The following BTBD9 variants were observed in gnomAD, a reference collection of about 807,000 sequenced individuals.
BTBD9 encodes BTB domain containing 9.
In BTBD9, 49 loss-of-function variants were observed where a neutral mutation model predicts 64.3. The observed-to-expected ratio is 0.76, with a 90% CI of 0.61 to 0.97. BTBD9 has a LOEUF of 0.97. Among genes scored for constraint, BTBD9 ranks in the 50% least tolerant of loss-of-function variants. The pLI is 0.00. For synonymous variants in BTBD9, 260 were observed against 274.7 expected, an observed-to-expected ratio of 0.95 and a Z score of 0.53; for missense variants, 598 against 762.1, an observed-to-expected ratio of 0.78 and a Z score of 2.53.
rs1776110696 is a variant in BTBD9 at position 38,577,663 on chromosome 6, A to T, written c.1091T>A (p.Ile364Lys). 6.2e-7 allele frequency: 1 copy of T among 1,610,734 alleles called. No individual in the cohort carries two copies. Residue 364 changes from isoleucine to lysine, a missense_variant, in exon 6 of 11, where the codon ATA becomes AAA. Physicochemically the swap from Ile to Lys is moderately radical, Grantham distance 102. Coordinates refer to ENST00000481247, the MANE Select transcript of BTBD9 (RefSeq NM_001099272.2). ...SMDELDWVRV[I>K]DHSQYLCRSW... The stretch of plus-strand genomic sequence containing the variant: ...ACGACACAGATATTGTGAATGATCT[A>T]TCACTCTGACCCAATCAAGTTCATC...
intron 6 of BTBD9, chr6:38,504,434 C>A: frequency 2.6e-6 from 1 of 384,142 alleles, no homozygotes; most frequent in Non-Finnish European, 5.2e-6. Flanking sequence ...ATTTTCCTTC[C>A]TCCCTTTCCC....
intron 6 of BTBD9, among the ~76,000 whole-genome samples, chr6:38,561,768 GAC>G (rs745728140): frequency 2.4e-4 from 36 of 152,142 alleles, no homozygotes; most frequent in Admixed American, 1.9e-3. Context: ...GAGAACAGTA[GAC>G]ACTGGGGACT....
intron 7 of BTBD9, among the ~76,000 whole-genome samples, chr6:38,329,109 T>G (rs184557976): frequency 6.6e-6 from 1 of 151,956 alleles, no homozygotes; most frequent in Non-Finnish European, 1.5e-5. Flanking sequence ...ATGAAATGTA[T>G]GAATATTCAG....
chr6:38,286,584 A>G (rs1433949398), intron 8 of BTBD9, among the ~76,000 whole-genome samples: 1 of 152,146 alleles, frequency 6.6e-6, no homozygotes, highest in African/African-American at 2.4e-5. Flanking sequence ...AACATTAAAT[A>G]ATAAAAAGAA....
intron 8 of BTBD9, among the ~76,000 whole-genome samples, chr6:38,258,964 T>A (rs1460281405): frequency 6.6e-6 from 1 of 152,242 alleles, no homozygotes; most frequent in Non-Finnish European, 1.5e-5. Flanking sequence ...TAACTGTGTA[T>A]TAGGCCCTAT....
chr6:38,406,801 G>A (rs1562139721), intron 6 of BTBD9, among the ~76,000 whole-genome samples: 3 of 152,118 alleles, frequency 2.0e-5, no homozygotes, highest in Non-Finnish European at 4.4e-5. Context: ...TCACAGACAC[G>A]ACCACAGTGC....
chr6:38,443,772 C>T (rs796816088), intron 6 of BTBD9, among the ~76,000 whole-genome samples: 1 of 152,170 alleles, frequency 6.6e-6, no homozygotes, highest in Non-Finnish European at 1.5e-5. Flanking sequence ...GTTGCTACGA[C>T]CTTAGCCTCC....
chr6:38,453,893 A>G (rs1769670621), intron 6 of BTBD9, among the ~76,000 whole-genome samples: 1 of 152,248 alleles, frequency 6.6e-6, no homozygotes, highest in African/African-American at 2.4e-5. Context: ...TTGAAGACAC[A>G]TTCCAAATCC....
chr6:38,431,002 G>A (rs973267690), intron 6 of BTBD9, among the ~76,000 whole-genome samples: 3 of 151,906 alleles, frequency 2.0e-5, no homozygotes, highest in Non-Finnish European at 2.9e-5. Flanking sequence ...TTTCCCTTCT[G>A]TCCTTTGACA....
intron 6 of BTBD9, among the ~76,000 whole-genome samples, chr6:38,438,218 G>A (rs796731088): frequency 2.3e-3 from 130 of 56,996 alleles, no homozygotes; most frequent in African/African-American, 0.01. Flanking sequence ...GAGGGAGGGA[G>A]GGAGGGAGGG....
At chr6:38,326,196 G>A (rs1450325504) in intron 7 of BTBD9, among the ~76,000 whole-genome samples, 1 of 152,120 alleles carries the variant, frequency 6.6e-6, no homozygotes, top group Non-Finnish European at 1.5e-5. Flanking sequence ...AGAGGGTGAG[G>A]GGCATTCCAG....
At chr6:38,638,436 C>T (rs368257853) in intron 1 of BTBD9, among the ~76,000 whole-genome samples, 11 of 152,328 alleles carry the variant, frequency 7.2e-5, no homozygotes, top group African/African-American at 2.4e-4. Context: ...AGATACACCA[C>T]TTGAGCATAG....
chr6:38,590,353 T>C (rs140371703), intron 4 of BTBD9, among the ~76,000 whole-genome samples: 2 of 152,320 alleles, frequency 1.3e-5, no homozygotes, highest in African/African-American at 2.4e-5. Flanking sequence ...CTAGGAGATA[T>C]AAAAGGTAAA....
At chr6:38,208,269 G>C (rs922359482) in intron 9 of BTBD9, among the ~76,000 whole-genome samples, 4 of 152,178 alleles carry the variant, frequency 2.6e-5, no homozygotes, top group African/African-American at 9.7e-5. Flanking sequence ...AGACTTGCCT[G>C]AAGATCCCTC....
chr6:38,541,466 C>T (rs1054164590), intron 6 of BTBD9, among the ~76,000 whole-genome samples: 1 of 152,198 alleles, frequency 6.6e-6, no homozygotes, highest in Non-Finnish European at 1.5e-5. Context: ...TGGCCAGGCG[C>T]AGTGGCTCAC....
intron 6 of BTBD9, among the ~76,000 whole-genome samples, chr6:38,418,576 C>T (rs1010983753): frequency 1.3e-5 from 2 of 152,170 alleles, no homozygotes; most frequent in African/African-American, 4.8e-5. Flanking sequence ...GAGTTTTCTC[C>T]TTATGGCAGT....
chr6:38,483,255 C>T (rs749043034), intron 6 of BTBD9, among the ~76,000 whole-genome samples: 12 of 152,140 alleles, frequency 7.9e-5, no homozygotes, highest in Admixed American at 3.3e-4. Flanking sequence ...TCTTAAAGGA[C>T]GCCACTAAGC....
intron 9 of BTBD9, among the ~76,000 whole-genome samples, chr6:38,236,262 C>T (rs747915237): frequency 6.6e-6 from 1 of 152,158 alleles, no homozygotes; most frequent in Non-Finnish European, 1.5e-5. Flanking sequence ...GATTTTAGGT[C>T]CTCTCTGAAA....
intron 7 of BTBD9, among the ~76,000 whole-genome samples, chr6:38,322,761 A>G (rs923895510): frequency 6.6e-6 from 1 of 152,224 alleles, no homozygotes; most frequent in African/African-American, 2.4e-5. Flanking sequence ...AATGTAAAGC[A>G]CTGAGATATA....
Sources: gnomAD v4.1 joint callset for allele counts (sites outside exome capture counted in the v4.1 genomes callset) on GRCh38, gnomAD v4.1.1 for gene constraint, MANE v1.5 for transcripts, NCBI Gene and HGNC (gene_info 2026-07-23, HGNC 2026-07-21) for gene names.